LHFPL3: variants seen among roughly 807,000 people sequenced by gnomAD.
The protein encoded by LHFPL3 is LHFPL tetraspan subfamily member 3.
A neutral mutation model predicts 19.3 loss-of-function variants in LHFPL3; 5 were observed. The ratio of observed to expected loss-of-function variants is 0.26; its 90% CI spans 0.14 to 0.54. LHFPL3 has a LOEUF of 0.54. LHFPL3 is among the 20% of genes least tolerant of loss of function. The pLI is 0.94. For missense variants in LHFPL3, 249 were observed against 307.4 expected (o/e 0.81, Z 1.42); for synonymous variants, 133 against 126.2 (o/e 1.05, Z -0.36).
chr7:104,607,995 C>G (rs1473514975), intron 1 of LHFPL3, among the ~76,000 whole-genome samples: 1 of 152,124 alleles, frequency 6.6e-6, no homozygotes, highest in African/African-American at 2.4e-5. Context: ...AGTCAGGAAA[C>G]AACAGGTGCT....
intron 1 of LHFPL3, among the ~76,000 whole-genome samples, chr7:104,724,478 T>G (rs1793553498): frequency 6.6e-6 from 1 of 152,198 alleles, no homozygotes; most frequent in South Asian, 2.1e-4. Context: ...TTTTAAATCC[T>G]ACCATACAAC....
chr7:104,772,609 C>T (rs1475180789), intron 2 of LHFPL3, among the ~76,000 whole-genome samples: 1 of 152,240 alleles, frequency 6.6e-6, no homozygotes, highest in Non-Finnish European at 1.5e-5. Context: ...CACTGCTGCT[C>T]TGCAAAGTGA....
intron 2 of LHFPL3, among the ~76,000 whole-genome samples, chr7:104,860,772 C>T (rs911637280): frequency 6.6e-6 from 1 of 152,210 alleles, no homozygotes; most frequent in African/African-American, 2.4e-5. Context: ...TCTCTTCTGA[C>T]ATCTCTCTTT....
chr7:104,371,266 T>A (rs983538060), intron 1 of LHFPL3, among the ~76,000 whole-genome samples: 1 of 152,258 alleles, frequency 6.6e-6, no homozygotes, highest in East Asian at 1.9e-4. Context: ...ATTAATCTTG[T>A]CTCCCATTTT....
chr7:104,577,322 G>C (rs976971985), intron 1 of LHFPL3, among the ~76,000 whole-genome samples: 6 of 152,128 alleles, frequency 3.9e-5, no homozygotes, highest in African/African-American at 1.4e-4. Context: ...GAGGGCATGG[G>C]AGAATGTCAG....
Position 104,736,838 on chromosome 7 carries a change from C to T in LHFPL3, c.609C>T (p.Leu203=), listed in dbSNP as rs1265419423. The change falls in exon 2 of 3, where the codon CTC becomes CTT. Residue 203 remains leucine (L), a synonymous_variant. Transcript: ENST00000424859. ...TTGGAATTTTGGATGCCCTGATCCT[C>T]TCATTTCTAGCATTTGTGCTTGGTA... ...AIIGILDALI[L]SFLAFVLGNR... 1 of 1,612,950 alleles carries T rather than the reference C, an allele frequency of 6.2e-7. No individual in the cohort carries two copies.
intron 1 of LHFPL3, among the ~76,000 whole-genome samples, chr7:104,374,141 G>T (rs1790662944): frequency 6.6e-6 from 1 of 151,816 alleles, no homozygotes; most frequent in South Asian, 2.1e-4. Flanking sequence ...ACCAAGCTGG[G>T]AATAAACATG....
rs74700377 is a variant in LHFPL3 at position 104,906,318 on chromosome 7, A to G, written c.*103A>G. On this transcript the variant is annotated 3_prime_UTR_variant, in exon 3 of 3. Transcript: ENST00000424859. Reference sequence around the variant, plus strand: ...CATCAAGAAGGAATACGCCTGAGAGAGATCAGAGTATATAGATGAATATGA... The same window carrying G: ...CATCAAGAAGGAATACGCCTGAGAGGGATCAGAGTATATAGATGAATATGA... 13,550 of 1,306,784 alleles carry G rather than the reference A, an allele frequency of 0.01. 1,046 individuals are homozygous for G. The African/African-American group carries it at 0.17, about 17-fold the overall frequency. The allele number at this position is 1,306,784 out of a possible 1,614,324, so 80.9% of individuals were successfully genotyped here. A position where few individuals can be genotyped will look rare whatever the true frequency, so the allele number is the denominator to read the frequency against.
chr7:104,426,446 G>C (rs1450862733), intron 1 of LHFPL3, among the ~76,000 whole-genome samples: 3 of 152,078 alleles, frequency 2.0e-5, no homozygotes, highest in Non-Finnish European at 2.9e-5. Flanking sequence ...AGTAGAGACA[G>C]GGTTTCTCCA....
At chr7:104,354,076 T>A (rs1790227601) in intron 1 of LHFPL3, among the ~76,000 whole-genome samples, 2 of 152,218 alleles carry the variant, frequency 1.3e-5, no homozygotes, top group South Asian at 4.1e-4. Context: ...AAATCTCTCT[T>A]GTGTTCCTCC....
At chr7:104,852,775 G>C (rs1025608619) in intron 2 of LHFPL3, among the ~76,000 whole-genome samples, 12 of 152,234 alleles carry the variant, frequency 7.9e-5, no homozygotes, top group Non-Finnish European at 1.0e-4. Context: ...TGATGGGACA[G>C]TGAGCTACTG....
chr7:104,602,164 G>A (rs1190309050), intron 1 of LHFPL3, among the ~76,000 whole-genome samples: 4 of 151,466 alleles, frequency 2.6e-5, no homozygotes, highest in African/African-American at 9.7e-5. Flanking sequence ...GGGATTACAG[G>A]CGTGCACCAC....
intron 2 of LHFPL3, among the ~76,000 whole-genome samples, chr7:104,770,168 G>A (rs1794527535): frequency 6.6e-6 from 1 of 152,034 alleles, no homozygotes; most frequent in African/African-American, 2.4e-5. Context: ...ATCAAGGAAG[G>A]TTGCATAGTT....
chr7:104,412,671 G>T (rs772433767), intron 1 of LHFPL3, among the ~76,000 whole-genome samples: 1 of 152,102 alleles, frequency 6.6e-6, no homozygotes, highest in African/African-American at 2.4e-5. Context: ...AGCATAGGAG[G>T]TGTGTAAGCG....
At chr7:104,602,165 C>T (rs1044467439) in intron 1 of LHFPL3, among the ~76,000 whole-genome samples, 10 of 151,516 alleles carry the variant, frequency 6.6e-5, no homozygotes, top group African/African-American at 1.9e-4. Context: ...GGATTACAGG[C>T]GTGCACCACC....
intron 1 of LHFPL3, among the ~76,000 whole-genome samples, chr7:104,482,962 T>C (rs1309560208): frequency 6.6e-6 from 1 of 152,202 alleles, no homozygotes; most frequent in African/African-American, 2.4e-5. Flanking sequence ...GTACGTGGGA[T>C]TTCAGGAAAT....
At chr7:104,590,374 A>G (rs139632984) in intron 1 of LHFPL3, among the ~76,000 whole-genome samples, 25 of 152,178 alleles carry the variant, frequency 1.6e-4, no homozygotes, top group African/African-American at 6.0e-4. Flanking sequence ...TTATGTACCC[A>G]GTAGTCATTC....
intron 1 of LHFPL3, among the ~76,000 whole-genome samples, chr7:104,439,450 C>T (rs1792174777): frequency 6.6e-6 from 1 of 151,944 alleles, no homozygotes; most frequent in Non-Finnish European, 1.5e-5. Context: ...CACATCATAA[C>T]CTGGTGGGGT....
intron 2 of LHFPL3, among the ~76,000 whole-genome samples, chr7:104,775,062 A>G (rs1032236652): frequency 6.6e-6 from 1 of 152,222 alleles, no homozygotes; most frequent in Non-Finnish European, 1.5e-5. Flanking sequence ...CAAGTTTCAA[A>G]AATAGGATAA....
Sources: allele counts gnomAD v4.1 joint callset (sites outside exome capture counted in the v4.1 genomes callset), GRCh38; gene constraint gnomAD v4.1.1; transcripts MANE v1.5; gene names NCBI Gene and HGNC (gene_info 2026-07-23, HGNC 2026-07-21).